The following PTPRT variants were observed in gnomAD, a reference collection of about 807,000 sequenced individuals.
PTPRT encodes the protein receptor-type tyrosine-protein phosphatase T.
PTPRT carries 56 observed loss-of-function variants against 176.8 expected under a neutral mutation model. That is an observed-to-expected ratio of 0.32 (90% CI 0.26 to 0.40). The LOEUF (loss-of-function observed/expected upper bound fraction) is 0.40. Ranked by LOEUF, PTPRT falls within the 10% of genes least tolerant of loss-of-function variation. PTPRT has a pLI of 1.00. For missense variants in PTPRT, 1,540 were observed against 1,908.2 expected (o/e 0.81, Z 3.60); for synonymous variants, 783 against 739.0 (o/e 1.06, Z -0.96).
chr20:42,363,293 TATA>T (rs1311570991), intron 9 of PTPRT, among the ~76,000 whole-genome samples: 31 of 27,292 alleles, frequency 1.1e-3, no homozygotes, highest in African/African-American at 5.3e-3. Context: ...TATATATATA[TATA>T]TATATTTTTT....
At chr20:42,925,111 GCA>G (rs1200668930) in intron 1 of PTPRT, among the ~76,000 whole-genome samples, 1 of 152,246 alleles carries the variant, frequency 6.6e-6, no homozygotes, top group African/African-American at 2.4e-5. Flanking sequence ...GGGTCTGTGA[GCA>G]CAGTCTTTGC....
At position 42,769,100 on chromosome 20, in the gene PTPRT, C is replaced by T. The variant is rs530188961; in HGVS notation, c.684+2335G>A. Among the ~76,000 whole-genome samples, 192 of 152,286 alleles carry T rather than the reference C, an allele frequency of 1.3e-3. 2 individuals are homozygous for T. Among genetic ancestry groups the T allele is most frequent in the African/African-American group, 4.2e-3 (173 of 41,550 alleles). ...AAAGAGTAAATAACTCTACCGAATACTGAGGTGACGTGGAGGTTTCTTATG... is the reference window on the plus strand; with the variant it reads ...AAAGAGTAAATAACTCTACCGAATATTGAGGTGACGTGGAGGTTTCTTATG... On this transcript the variant is annotated intron_variant, in intron 5 of 30. Transcript: ENST00000373187.
chr20:42,261,842 A>G (rs2056755383), intron 13 of PTPRT, among the ~76,000 whole-genome samples: 1 of 152,188 alleles, frequency 6.6e-6, no homozygotes, highest in Non-Finnish European at 1.5e-5. Context: ...GGGGCAAGAA[A>G]GGGGAGGAGA....
chr20:43,092,076 A>T (rs1213587837), intron 1 of PTPRT, among the ~76,000 whole-genome samples: 1 of 152,238 alleles, frequency 6.6e-6, no homozygotes, highest in Non-Finnish European at 1.5e-5. Context: ...TCAAAAAACA[A>T]AGCATACAAC....
intron 9 of PTPRT, among the ~76,000 whole-genome samples, chr20:42,381,306 G>A (rs966840023): frequency 6.6e-6 from 1 of 152,136 alleles, no homozygotes; most frequent in Non-Finnish European, 1.5e-5. Context: ...ACAACAAAAC[G>A]TGAGCAGAAG....
At chr20:43,160,846 T>C (rs188513931) in intron 1 of PTPRT, among the ~76,000 whole-genome samples, 385 of 152,012 alleles carry the variant, frequency 2.5e-3, no homozygotes, top group Non-Finnish European at 4.1e-3. Flanking sequence ...CTGGCCTTGG[T>C]GGTGGTTTCA....
intron 8 of PTPRT, among the ~76,000 whole-genome samples, chr20:42,465,953 G>T (rs867669500): frequency 6.6e-6 from 1 of 152,032 alleles, no homozygotes; most frequent in African/African-American, 2.4e-5. Context: ...AGGCCCCAGG[G>T]TGTGCTGTTC....
chr20:42,186,810 T>C (rs1177118971), intron 16 of PTPRT, among the ~76,000 whole-genome samples: 1 of 152,040 alleles, frequency 6.6e-6, no homozygotes, highest in Admixed American at 6.6e-5. Flanking sequence ...GAGATGATGA[T>C]GACTTGGACA....
intron 11 of PTPRT, among the ~76,000 whole-genome samples, chr20:42,337,160 C>A (rs199960692): frequency 2.0e-5 from 3 of 152,100 alleles, no homozygotes; most frequent in Non-Finnish European, 2.9e-5. Flanking sequence ...AGAAGCCCCC[C>A]CTTCCCTGGC....
At chr20:42,356,899 C>T (rs984385689) in intron 9 of PTPRT, among the ~76,000 whole-genome samples, 1 of 152,146 alleles carries the variant, frequency 6.6e-6, no homozygotes, top group Non-Finnish European at 1.5e-5. Context: ...GAACTTGCAC[C>T]AGCTCTTCTG....
chr20:42,795,256 G>A (rs918319420), intron 2 of PTPRT, among the ~76,000 whole-genome samples: 4 of 151,920 alleles, frequency 2.6e-5, no homozygotes, highest in Admixed American at 6.6e-5. Context: ...ATTATACATA[G>A]CACTGAAAAT....
At chr20:42,635,569 C>T (rs2074578189) in intron 7 of PTPRT, among the ~76,000 whole-genome samples, 1 of 151,966 alleles carries the variant, frequency 6.6e-6, no homozygotes, top group African/African-American at 2.4e-5. Flanking sequence ...ATTTTTGTTG[C>T]TAAAACTGCT....
At chr20:42,898,947 C>T (rs1393965966) in intron 1 of PTPRT, among the ~76,000 whole-genome samples, 1 of 152,188 alleles carries the variant, frequency 6.6e-6, no homozygotes, top group East Asian at 1.9e-4. Flanking sequence ...GAGAGTCCAA[C>T]CAGCCTGAAA....
chr20:42,460,540 AC>A (rs1018893827), intron 8 of PTPRT, among the ~76,000 whole-genome samples: 19 of 152,184 alleles, frequency 1.2e-4, no homozygotes, highest in African/African-American at 3.9e-4. Context: ...TTTGGCTGTG[AC>A]CCCACCCAAA....
At chr20:42,813,976 C>G (rs982733236) in intron 2 of PTPRT, among the ~76,000 whole-genome samples, 1 of 152,046 alleles carries the variant, frequency 6.6e-6, no homozygotes, top group African/African-American at 2.4e-5. Context: ...TTGTTTATAC[C>G]CCCATCCCGG....
intron 29 of PTPRT, among the ~76,000 whole-genome samples, chr20:42,084,300 C>T (rs1024327320): frequency 6.6e-6 from 1 of 152,212 alleles, no homozygotes; most frequent in Non-Finnish European, 1.5e-5. Flanking sequence ...GCTCACTGTG[C>T]CCCTGCACAA....
intron 9 of PTPRT, among the ~76,000 whole-genome samples, chr20:42,354,456 G>T (rs1273204621): frequency 6.6e-6 from 1 of 152,134 alleles, no homozygotes; most frequent in African/African-American, 2.4e-5. Flanking sequence ...TGACTCCAAA[G>T]CCTGTACTCT....
chr20:42,164,462 G>T (rs1489192490), intron 16 of PTPRT, among the ~76,000 whole-genome samples: 4 of 152,206 alleles, frequency 2.6e-5, no homozygotes. Flanking sequence ...GTCAATGCCA[G>T]TGCTAATGAT....
At chr20:42,062,061 T>C in the PTPRT span, among the ~76,000 whole-genome samples, 3 of 152,178 alleles carry the variant, frequency 2.0e-5, no homozygotes, top group Admixed American at 6.5e-5. Context: ...TCAGATGATG[T>C]TGATATCCCC....
Sources: allele counts gnomAD v4.1 joint callset (sites outside exome capture counted in the v4.1 genomes callset), GRCh38; gene constraint gnomAD v4.1.1; transcripts MANE v1.5; gene names NCBI Gene and HGNC (gene_info 2026-07-23, HGNC 2026-07-21).